Variants in NLGN1 observed in about 807,000 individuals in gnomAD.
NLGN1 encodes neuroligin-1.
In NLGN1, 12 loss-of-function variants were observed where a neutral mutation model predicts 65.5. The ratio of observed to expected loss-of-function variants is 0.18; its 90% CI spans 0.12 to 0.30. The LOEUF is 0.30. NLGN1 is among the 10% of genes least tolerant of loss of function. The pLI, the probability that NLGN1 is intolerant of heterozygous loss-of-function variation, is 1.00. For synonymous variants in NLGN1, 350 were observed against 359.5 expected (o/e 0.97, Z 0.30); for missense variants, 750 against 1,007.1 (o/e 0.74, Z 3.46).
chr3:173,813,415 C>T (rs1184224489), intron 4 of NLGN1, among the ~76,000 whole-genome samples: 4 of 152,086 alleles, frequency 2.6e-5, no homozygotes, highest in Non-Finnish European at 5.9e-5. Context: ...CATCCAAATG[C>T]GTTCTTGAGA....
chr3:173,651,368 T>C (rs1759151772), intron 3 of NLGN1, among the ~76,000 whole-genome samples: 1 of 151,934 alleles, frequency 6.6e-6, no homozygotes, highest in African/African-American at 2.4e-5. Context: ...CATCTGTTGA[T>C]GGACAGTTAG....
exon 3 of NLGN1, chr3:173,604,723 A>G (rs780338860): frequency 6.2e-7 from 1 of 1,613,776 alleles, no homozygotes; most frequent in Non-Finnish European, 8.5e-7. Context: ...CAGGCTGGCC[A>G]TGTGCTATCA....
At chr3:174,089,189 C>T (rs970663764) in intron 4 of NLGN1, among the ~76,000 whole-genome samples, 6 of 152,094 alleles carry the variant, frequency 3.9e-5, no homozygotes, top group East Asian at 1.9e-4. Flanking sequence ...GTTCTAGGGA[C>T]GGGAGCGTGA....
chr3:173,770,051 T>G (rs1302316333), intron 3 of NLGN1, among the ~76,000 whole-genome samples: 1 of 152,292 alleles, frequency 6.6e-6, no homozygotes, highest in Non-Finnish European at 1.5e-5. Flanking sequence ...TTGGAAACGG[T>G]CCTCTTCCTA....
intron 4 of NLGN1, among the ~76,000 whole-genome samples, chr3:174,224,900 T>C (rs1331426925): frequency 1.3e-5 from 2 of 152,184 alleles, no homozygotes; most frequent in African/African-American, 4.8e-5. Flanking sequence ...AGTTTAGAGA[T>C]AAGCCAAAGA....
At chr3:174,069,636 G>A (rs753553017) in intron 4 of NLGN1, among the ~76,000 whole-genome samples, 3 of 152,208 alleles carry the variant, frequency 2.0e-5, no homozygotes, top group Admixed American at 6.5e-5. Context: ...GCAGGGAAGT[G>A]TGAAACTGCC....
At chr3:173,948,928 T>TTTAATTA (rs1332605725) in intron 4 of NLGN1, among the ~76,000 whole-genome samples, 2 of 152,118 alleles carry the variant, frequency 1.3e-5, no homozygotes, top group Non-Finnish European at 2.9e-5. Flanking sequence ...TAAATAATTA[T>TTTAATTA]TTTAACATGC....
chr3:174,136,329 A>G (rs1721203427), intron 4 of NLGN1: 1 of 152,132 alleles, frequency 6.6e-6, no homozygotes, highest in Non-Finnish European at 1.5e-5. Flanking sequence ...ATTTGAATAA[A>G]TACTTCAGCC....
intron 4 of NLGN1, among the ~76,000 whole-genome samples, chr3:174,113,407 A>C (rs1715674121): frequency 6.6e-6 from 1 of 152,056 alleles, no homozygotes; most frequent in Non-Finnish European, 1.5e-5. Flanking sequence ...CCAAAATAAG[A>C]CAAAGTTTTA....
At chr3:173,450,238 G>C (rs945072691) in intron 2 of NLGN1, among the ~76,000 whole-genome samples, 4 of 152,090 alleles carry the variant, frequency 2.6e-5, no homozygotes, top group Non-Finnish European at 4.4e-5. Context: ...TCCTTCAGGA[G>C]CTCTTTTAGG....
At chr3:173,655,614 T>C (rs1488425274) in intron 3 of NLGN1, among the ~76,000 whole-genome samples, 3 of 152,152 alleles carry the variant, frequency 2.0e-5, no homozygotes, top group Non-Finnish European at 4.4e-5. Context: ...CTCTGTTCTT[T>C]CTTCACGTTG....
intron 1 of NLGN1, among the ~76,000 whole-genome samples, chr3:173,410,769 G>T (rs1712377096): frequency 6.6e-6 from 1 of 152,142 alleles, no homozygotes. Flanking sequence ...CATAAAGTAT[G>T]CCACTTCAAT....
Position 173,913,012 on chromosome 3 carries a change from G to T in NLGN1, c.646+105180G>T, listed in dbSNP as rs142264813. ...AATGGCTCACACCACCAACAACAGC[G>T]ACTAGAATGCATTTAAAATCCCTCT... On this transcript the variant is annotated intron_variant, in intron 4 of 6. Transcript: ENST00000457714. Among the ~76,000 whole-genome samples the T allele has an allele frequency of 8.7e-4, 132 of 152,176 alleles. 1 individual carries two copies. The highest frequency in any genetic ancestry group is 3.0e-3 in the African/African-American group (123 of 41,512).
At chr3:173,500,086 A>G (rs1291786324) in intron 2 of NLGN1, among the ~76,000 whole-genome samples, 1 of 152,138 alleles carries the variant, frequency 6.6e-6, no homozygotes, top group African/African-American at 2.4e-5. Context: ...TTCCAACACC[A>G]TGTTGAATAG....
chr3:173,515,832 T>C (rs1009582187), intron 2 of NLGN1, among the ~76,000 whole-genome samples: 1 of 152,122 alleles, frequency 6.6e-6, no homozygotes, highest in Non-Finnish European at 1.5e-5. Flanking sequence ...TAGATTGGCA[T>C]TCTTGCTGAA....
chr3:173,704,748 A>G (rs769588955), intron 3 of NLGN1, among the ~76,000 whole-genome samples: 4 of 152,178 alleles, frequency 2.6e-5, no homozygotes, highest in Non-Finnish European at 4.4e-5. Context: ...ACACTTTCAT[A>G]AATTGCATTC....
At chr3:173,396,121 G>A (rs375769534), upstream of NLGN1, among the ~76,000 whole-genome samples, 5 of 152,254 alleles carry the variant, frequency 3.3e-5, no homozygotes, top group South Asian at 1.0e-3. Context: ...CCACCTCCCC[G>A]CCTATGATTT....
intron 4 of NLGN1, among the ~76,000 whole-genome samples, chr3:174,105,130 G>T (rs1713427196): frequency 6.6e-6 from 1 of 152,116 alleles, no homozygotes; most frequent in Non-Finnish European, 1.5e-5. Flanking sequence ...GTATAGCTAA[G>T]AAAGGGGAGA....
chr3:173,964,402 A>G (rs1714334336), intron 4 of NLGN1, among the ~76,000 whole-genome samples: 1 of 152,202 alleles, frequency 6.6e-6, no homozygotes, highest in Non-Finnish European at 1.5e-5. Context: ...TATTCAGGAA[A>G]GTGAAGGACT....
Sources: allele counts gnomAD v4.1 joint callset (sites outside exome capture counted in the v4.1 genomes callset), GRCh38; gene constraint gnomAD v4.1.1; transcripts MANE v1.5; gene names NCBI Gene and HGNC (gene_info 2026-07-23, HGNC 2026-07-21).